AKNAD1: variants seen among roughly 807,000 people sequenced by gnomAD.
The protein encoded by AKNAD1 is protein AKNAD1.
AKNAD1 carries 67 observed loss-of-function variants against 90.8 expected under a neutral mutation model. The ratio of observed to expected loss-of-function variants is 0.74; its 90% CI spans 0.61 to 0.90. AKNAD1 has a LOEUF of 0.90. Among genes scored for constraint, AKNAD1 ranks in the 40% least tolerant of loss-of-function variants. The pLI is 0.00. For missense variants in AKNAD1, 957 were observed against 975.4 expected, an observed-to-expected ratio of 0.98 and a Z score of 0.25; for synonymous variants, 327 against 341.4, an observed-to-expected ratio of 0.96 and a Z score of 0.46.
rs146520059 is a variant in AKNAD1 at position 108,834,468 on chromosome 1, C to G, written c.1725G>C (p.Met575Ile). The G allele has an allele frequency of 6.8e-6, 11 of 1,610,952 alleles. No individual in the cohort carries two copies. The highest frequency in any genetic ancestry group is 1.7e-5 in the Admixed American group (1 of 59,672). ...AAQNKPDQVA[M>I]RLSSNSGEDP... ...TTACCCCAGAGTTAGAAGACAGCCT[C>G]ATGGCCACTTGGTCTGGCTTGTTCT... The change falls in exon 9 of 16, where the codon ATG becomes ATC. Residue 575 changes from methionine to isoleucine, a missense_variant. Met to Ile is a conservative substitution (Grantham distance 10). Coordinates refer to ENST00000370001, the MANE Select transcript of AKNAD1 (RefSeq NM_152763.5).
At chr1:108,841,361 T>A (rs1183677687) in intron 6 of AKNAD1, among the ~76,000 whole-genome samples, 2 of 151,824 alleles carry the variant, frequency 1.3e-5, no homozygotes, top group African/African-American at 2.4e-5. Context: ...TTGAGGGAAG[T>A]TGTGATCTTT....
chr1:108,830,752 G>T, intron 9 of AKNAD1, 102 bp from the exon 10 acceptor site: 2 of 1,089,286 alleles, frequency 1.8e-6, no homozygotes, highest in Non-Finnish European at 2.8e-6. Flanking sequence ...GGCTGAACTT[G>T]CCACCTCAGG....
Position 108,817,030 on chromosome 1 carries a change from G to T in AKNAD1, c.2379+18C>A. Reference sequence around the variant, plus strand: ...TTACGAGCTGCAATGCTTCTCGAATGATTTTCTAAGTCCTCACCTCAGATT... The same window carrying T: ...TTACGAGCTGCAATGCTTCTCGAATTATTTTCTAAGTCCTCACCTCAGATT... On this transcript the variant is annotated intron_variant, in intron 15 of 15. Coordinates refer to ENST00000370001, the MANE Select transcript of AKNAD1 (RefSeq NM_152763.5). 1.2e-6 allele frequency: 2 copies of T among 1,613,262 alleles called. No homozygotes were observed. The highest frequency in any genetic ancestry group is 1.1e-5 in the South Asian group (1 of 90,928).
intron 2 of AKNAD1, among the ~76,000 whole-genome samples, chr1:108,850,080 G>A (rs1054432988): frequency 6.6e-6 from 1 of 152,166 alleles, no homozygotes; most frequent in African/African-American, 2.4e-5. Flanking sequence ...AACAGAGGAT[G>A]CATTAAGTTC....
At chr1:108,848,457 A>G (rs771529728) in intron 5 of AKNAD1, among the ~76,000 whole-genome samples, 4 of 152,164 alleles carry the variant, frequency 2.6e-5, no homozygotes, top group Non-Finnish European at 2.9e-5. Context: ...CCCACTCTTT[A>G]TAACTGATTA....
In AKNAD1 at chr1:108,852,288, T is replaced by C. The variant is rs1406517196; in HGVS notation, c.377A>G (p.Gln126Arg). 8 of 1,614,224 alleles carry C rather than the reference T, an allele frequency of 5.0e-6. No individual in the cohort carries two copies. The highest frequency in any genetic ancestry group is 5.1e-6 in the Non-Finnish European group (6 of 1,180,042). The change falls in exon 2 of 16, where the codon CAA becomes CGA. Residue 126 changes from glutamine to arginine, a missense_variant. Transcript: ENST00000370001. ...HLSKEPFLRG[Q>R]GIDCETLPEI... ...TGGGAGGGTTTCACAATCAATGCCT[T>C]GACCTCTTAAGAATGGCTCTTTGGA...
chr1:108,831,441 G>A (rs542844866), intron 9 of AKNAD1, among the ~76,000 whole-genome samples: 1 of 152,306 alleles, frequency 6.6e-6, no homozygotes, highest in Non-Finnish European at 1.5e-5. Context: ...CACAAAAGTT[G>A]TACAGATTTC....
chr1:108,852,895 C>G, intron 1 of AKNAD1, 128 bp from the exon 2 acceptor site: 2 of 358,848 alleles, frequency 5.6e-6, no homozygotes, highest in South Asian at 1.5e-4. Context: ...GAAGCTCAAC[C>G]ACAAGCTGAC....
At chr1:108,822,402 G>C (rs1255144315) in intron 13 of AKNAD1, among the ~76,000 whole-genome samples, 2 of 152,202 alleles carry the variant, frequency 1.3e-5, no homozygotes, top group Non-Finnish European at 2.9e-5. Context: ...TTCGTATACT[G>C]GCATGACAAG....
chr1:108,849,241 G>A (rs1252731988), intron 3 of AKNAD1, among the ~76,000 whole-genome samples, 181 bp from the exon 4 acceptor site: 1 of 152,084 alleles, frequency 6.6e-6, no homozygotes, highest in Admixed American at 6.5e-5. Flanking sequence ...AGCACTTTGG[G>A]AGGCCAAAGC....
rs115283919 is a variant in AKNAD1 at position 108,833,193 on chromosome 1, T to G, written c.1746+1254A>C. On this transcript the variant is annotated intron_variant, in intron 9 of 15. Transcript: ENST00000370001. ...GTGGAGAGCTGCTCAAAATATAACA[T>G]TAAATGAAAAGCATAAAACAATATA... 4.8e-3 allele frequency among the ~76,000 whole-genome samples: 734 copies of G among 152,250 alleles called. 9 individuals are homozygous for G. The highest frequency in any genetic ancestry group is 0.017 in the African/African-American group (707 of 41,542).
At chr1:108,827,368 G>A in intron 10 of AKNAD1, 66 bp from the exon 11 acceptor site, 2 of 1,257,524 alleles carry the variant, frequency 1.6e-6, no homozygotes, top group Non-Finnish European at 2.3e-6. Context: ...GAAAGTTTTG[G>A]TAAAGTTGAA....
intron 1 of AKNAD1, among the ~76,000 whole-genome samples, chr1:108,855,406 C>T (rs553026103): frequency 9.3e-5 from 14 of 150,968 alleles, no homozygotes; most frequent in Middle Eastern, 6.8e-3. Context: ...AGTGAAACTC[C>T]GTCTCAAAAC....
chr1:108,848,140 C>A (rs962698445), intron 5 of AKNAD1, among the ~76,000 whole-genome samples: 5 of 152,118 alleles, frequency 3.3e-5, no homozygotes, highest in African/African-American at 1.2e-4. Context: ...TGTTGATGAG[C>A]CAATGGCCTC....
At chr1:108,817,795 G>A (rs1183376550) in intron 14 of AKNAD1, among the ~76,000 whole-genome samples, 3 of 151,886 alleles carry the variant, frequency 2.0e-5, no homozygotes, top group Admixed American at 1.3e-4. Flanking sequence ...CTGAGCCACC[G>A]CGTCCGGCCT....
At chr1:108,818,822 G>C (rs1344235402) in intron 14 of AKNAD1, among the ~76,000 whole-genome samples, 1 of 152,054 alleles carries the variant, frequency 6.6e-6, no homozygotes, top group Non-Finnish European at 1.5e-5. Context: ...AATTAGCTGG[G>C]CATGGTGGCG....
At chr1:108,843,711 T>A (rs1664620537) in intron 5 of AKNAD1, among the ~76,000 whole-genome samples, 1 of 152,240 alleles carries the variant, frequency 6.6e-6, no homozygotes, top group African/African-American at 2.4e-5. Flanking sequence ...TAGCAATATG[T>A]CTGAAGGCAC....
chr1:108,851,887 C>A lies in AKNAD1; in HGVS notation c.778G>T (p.Asp260Tyr). The change falls in exon 2 of 16, where the codon GAT becomes TAT. Residue 260 changes from aspartate to tyrosine, a missense_variant. Asp to Tyr is a radical substitution (Grantham distance 160). Transcript: ENST00000370001. Reference sequence around the variant, plus strand: ...ACTTTGGGAGCAATCTTAGAGAAATCAGGGAGCTGGTAATGAACTTGACCT... The same window carrying A: ...ACTTTGGGAGCAATCTTAGAGAAATAAGGGAGCTGGTAATGAACTTGACCT... ...GQGQVHYQLP[D>Y]FSKIAPKVKI... is the part of the protein sequence containing the mutation. 1.2e-6 allele frequency: 2 copies of A among 1,613,990 alleles called. No homozygotes were observed. The highest frequency in any genetic ancestry group is 1.7e-6 in the Non-Finnish European group (2 of 1,179,950).
chr1:108,854,469 CAT>C (rs1220314439), intron 1 of AKNAD1, among the ~76,000 whole-genome samples: 1 of 152,116 alleles, frequency 6.6e-6, no homozygotes. Flanking sequence ...AAGCTAAAAT[CAT>C]ATGTTTGACC....
Sources: allele counts gnomAD v4.1 joint callset (sites outside exome capture counted in the v4.1 genomes callset), GRCh38; gene constraint gnomAD v4.1.1; transcripts MANE v1.5; gene names NCBI Gene and HGNC (gene_info 2026-07-23, HGNC 2026-07-21).